TMEM14A: variants seen among roughly 807,000 people sequenced by gnomAD.
The protein encoded by TMEM14A is transmembrane protein 14A.
Under a neutral mutation model 11.6 loss-of-function variants are expected in TMEM14A, and 8 were observed. The observed-to-expected ratio is 0.69, with a 90% CI of 0.40 to 1.24. TMEM14A has a LOEUF of 1.24. Ranked by LOEUF, TMEM14A falls within the 50% of genes most tolerant of loss-of-function variation. The pLI is 0.01. For synonymous variants in TMEM14A, 34 were observed against 45.5 expected (o/e 0.75, Z 1.02); for missense variants, 108 against 121.9 (o/e 0.89, Z 0.54).
At chr6:52,684,323 TG>T (rs1268577755) in intron 4 of TMEM14A, among the ~76,000 whole-genome samples, 158 bp downstream of exon 4, 1 of 152,242 alleles carries the variant, frequency 6.6e-6, no homozygotes, top group Non-Finnish European at 1.5e-5. Context: ...AGTGGGTCTT[TG>T]ATATTGATGT....
At chr6:52,684,332 T>C (rs1184791339) in intron 4 of TMEM14A, among the ~76,000 whole-genome samples, 167 bp downstream of exon 4, 1 of 152,252 alleles carries the variant, frequency 6.6e-6, no homozygotes, top group African/African-American at 2.4e-5. Context: ...TTGATATTGA[T>C]GTACCCATGA....
intron 2 of TMEM14A, among the ~76,000 whole-genome samples, chr6:52,681,191 G>A (rs528877506): frequency 5.9e-5 from 9 of 152,106 alleles, no homozygotes; most frequent in African/African-American, 1.9e-4. Context: ...GGGTATGTGG[G>A]TTGGGGGCTG....
Position 52,686,019 on chromosome 6 carries a change from G to A in TMEM14A, c.270G>A (p.Met90Ile), listed in dbSNP as rs1262739561. The change falls in exon 5 of 5, where the codon ATG (methionine) becomes ATA (isoleucine). Residue 90 changes from methionine (M) to isoleucine (I), a missense_variant. By Grantham distance (10) the Met-to-Ile change is conservative (BLOSUM62 1). Coordinates refer to ENST00000211314, the MANE Select transcript of TMEM14A (RefSeq NM_014051.4). Reference sequence around the variant, plus strand: ...TTTATTTTAAATCCAGCCTCATGATGATCCTGAGACTTGTCTTGTTGCTGC... The same window carrying A: ...TTTATTTTAAATCCAGCCTCATGATAATCCTGAGACTTGTCTTGTTGCTGC... ...AGLVAGLSLMMILRLVLLLL is the reference protein window; with the variant it reads ...AGLVAGLSLMIILRLVLLLL 1 of 1,610,742 alleles carries A rather than the reference G, an allele frequency of 6.2e-7. No individual in the cohort carries two copies. The highest frequency in any genetic ancestry group is 8.5e-7 in the Non-Finnish European group (1 of 1,178,680).
At chr6:52,680,146 G>T (rs1486963631) in intron 2 of TMEM14A, among the ~76,000 whole-genome samples, 1 of 151,930 alleles carries the variant, frequency 6.6e-6, no homozygotes, top group African/African-American at 2.4e-5. Context: ...GTGAGTAAGG[G>T]CAGACTGACA....
intron 2 of TMEM14A, among the ~76,000 whole-genome samples, chr6:52,680,706 C>CATATATGTGT (rs1397954310): frequency 3.3e-4 from 8 of 24,452 alleles, no homozygotes; most frequent in Non-Finnish European, 5.8e-4. Flanking sequence ...TATATATATA[C>CATATATGTGT]ACATATATAT....
At chr6:52,679,510 A>G (rs1017333893) in intron 2 of TMEM14A, among the ~76,000 whole-genome samples, 1 of 152,110 alleles carries the variant, frequency 6.6e-6, no homozygotes, top group Admixed American at 6.5e-5. Context: ...ACCTGCAGGG[A>G]AGCTCCCAGA....
chr6:52,677,363 C>A (rs1031490716), intron 2 of TMEM14A, among the ~76,000 whole-genome samples, 191 bp downstream of exon 2: 1 of 152,114 alleles, frequency 6.6e-6, no homozygotes, highest in African/African-American at 2.4e-5. Flanking sequence ...AGTGTTCCAA[C>A]CTGGGGGTTC....
At chr6:52,674,598 A>T (rs1167809097) in intron 1 of TMEM14A, among the ~76,000 whole-genome samples, 1 of 152,168 alleles carries the variant, frequency 6.6e-6, no homozygotes, top group Non-Finnish European at 1.5e-5. Context: ...GCACATAGTA[A>T]TTGCTCAAAA....
chr6:52,680,691 G>GTGTATGTATATATATATATA (rs758417981), intron 2 of TMEM14A, among the ~76,000 whole-genome samples: 1 of 35,318 alleles, frequency 2.8e-5, no homozygotes, highest in African/African-American at 7.6e-5. Context: ...ATACATATAT[G>GTGTATGTATATATATATATA]TATATATATA....
chr6:52,682,921 C>T (rs950722106), intron 3 of TMEM14A, among the ~76,000 whole-genome samples: 1 of 152,232 alleles, frequency 6.6e-6, no homozygotes, highest in South Asian at 2.1e-4. Context: ...CTCCAGGCAT[C>T]AAATTCTCCA....
chr6:52,672,752 C>T (rs1293987532), intron 1 of TMEM14A, among the ~76,000 whole-genome samples: 1 of 152,196 alleles, frequency 6.6e-6, no homozygotes, highest in Non-Finnish European at 1.5e-5. Flanking sequence ...TCTCTCCATT[C>T]TCATTGCCAT....
At position 52,674,622 on chromosome 6, in the gene TMEM14A, TTTA is replaced by T. The variant is rs769406944; in HGVS notation, c.-16-2453_-16-2451del. Among the ~76,000 whole-genome samples, 202 of 152,228 alleles carry T rather than the reference TTTA, an allele frequency of 1.3e-3. 1 individual carries two copies. The highest frequency in any genetic ancestry group is 2.1e-3 in the Non-Finnish European group (141 of 68,010). On this transcript the variant is annotated intron_variant, in intron 1 of 4. Transcript: ENST00000211314. ...AATTGCTCAAAAACATTATAACCTCTTTATTATTATTATTTGTTTAGCCATCAT... is the reference window on the plus strand; with the variant it reads ...AATTGCTCAAAAACATTATAACCTCTTTATTATTATTTGTTTAGCCATCAT...
At chr6:52,677,608 AG>A (rs149263609) in intron 2 of TMEM14A, among the ~76,000 whole-genome samples, 8,369 of 152,044 alleles carry the variant, frequency 0.055, 350 homozygotes, top group South Asian at 0.18. Flanking sequence ...TGTCCAAAAG[AG>A]GGGGGAAAAA....
intron 2 of TMEM14A, among the ~76,000 whole-genome samples, chr6:52,680,665 A>ATGTGTATATATATACATATATG (rs1561875038): frequency 5.1e-4 from 24 of 47,212 alleles, no homozygotes; most frequent in African/African-American, 1.6e-3. Flanking sequence ...GTGTATATAT[A>ATGTGTATATATATACATATATG]TGTGTATATA....
chr6:52,685,961 G>T lies in TMEM14A; in HGVS notation c.261-49G>T, dbSNP rs753777632. On this transcript the variant is annotated intron_variant, in intron 4 of 4. Coordinates refer to ENST00000211314, the MANE Select transcript of TMEM14A (RefSeq NM_014051.4). The stretch of plus-strand genomic sequence containing the variant: ...GAGTGCATGGCCCTTTCTGTCTTAT[G>T]CCAGATAAAAGTGACTCTCCCTTTG... The T allele has an allele frequency of 1.3e-5, 20 of 1,592,450 alleles. No homozygotes were observed. In the Admixed American group the frequency reaches 3.5e-4, roughly 28 times the overall value.
intron 2 of TMEM14A, among the ~76,000 whole-genome samples, chr6:52,680,691 G>GTGTATATATATATATATATATATATATA (rs758417981): frequency 5.7e-5 from 2 of 35,336 alleles, no homozygotes; most frequent in South Asian, 1.2e-3. Context: ...ATACATATAT[G>GTGTATATATATATATATATATATATATA]TATATATATA....
chr6:52,672,886 TG>T (rs1220815571), intron 1 of TMEM14A, among the ~76,000 whole-genome samples: 1 of 152,186 alleles, frequency 6.6e-6, no homozygotes, highest in Non-Finnish European at 1.5e-5. Context: ...AAGTGCTTGC[TG>T]GAATTTAAAT....
At chr6:52,676,653 G>T (rs1413179151) in intron 1 of TMEM14A, among the ~76,000 whole-genome samples, 2 of 152,136 alleles carry the variant, frequency 1.3e-5, no homozygotes, top group African/African-American at 4.8e-5. Context: ...AACTACCTGA[G>T]ACTCGGTAAT....
At chr6:52,675,582 T>A (rs929301048) in intron 1 of TMEM14A, among the ~76,000 whole-genome samples, 2 of 152,244 alleles carry the variant, frequency 1.3e-5, no homozygotes, top group Non-Finnish European at 2.9e-5. Context: ...CCACTGGGTA[T>A]GTTTCAGCTG....
Sources: gnomAD v4.1 joint callset for allele counts (sites outside exome capture counted in the v4.1 genomes callset) on GRCh38, gnomAD v4.1.1 for gene constraint, MANE v1.5 for transcripts, NCBI Gene and HGNC (gene_info 2026-07-23, HGNC 2026-07-21) for gene names.